The following DLC1 variants were observed in gnomAD, a reference collection of about 807,000 sequenced individuals.
DLC1 encodes the protein DLC1 Rho GTPase activating protein, also known as rho GTPase-activating protein 7.
A neutral mutation model predicts 140.3 loss-of-function variants in DLC1; 54 were observed. That is an observed-to-expected ratio of 0.38 (90% CI 0.31 to 0.48). DLC1 has a LOEUF of 0.48. DLC1 is among the 20% of genes least tolerant of loss of function. The pLI, the probability that DLC1 is intolerant of heterozygous loss-of-function variation, is 0.96. For synonymous variants in DLC1, 986 were observed against 728.1 expected (o/e 1.35, Z -5.70); for missense variants, 2,536 against 1,907.0 (o/e 1.33, Z -6.14).
intron 2 of DLC1, among the ~76,000 whole-genome samples, chr8:13,489,373 G>A (rs959922246): frequency 8.7e-6 from 1 of 115,436 alleles, no homozygotes; most frequent in African/African-American, 3.6e-5. Context: ...GAAACTCTCA[G>A]ATCTATAATT....
intron 1 of DLC1, among the ~76,000 whole-genome samples, chr8:13,513,798 CACAA>C (rs1272065938): frequency 6.6e-6 from 1 of 152,086 alleles, no homozygotes; most frequent in Non-Finnish European, 1.5e-5. Flanking sequence ...TAAGTAAGGA[CACAA>C]ACAGTTTCCA....
intron 5 of DLC1, among the ~76,000 whole-genome samples, chr8:13,223,289 C>G (rs549282950): frequency 1.3e-5 from 2 of 152,252 alleles, no homozygotes; most frequent in South Asian, 4.1e-4. Flanking sequence ...AACCCCGCCC[C>G]CAGCAACATT....
chr8:13,301,562 G>T (rs974349039), intron 5 of DLC1, among the ~76,000 whole-genome samples: 2 of 152,226 alleles, frequency 1.3e-5, no homozygotes, highest in Non-Finnish European at 1.5e-5. Flanking sequence ...AAATGAGGGA[G>T]ATGAGGAAGT....
chr8:13,137,676 C>T (rs1822676581), intron 5 of DLC1, among the ~76,000 whole-genome samples: 1 of 151,042 alleles, frequency 6.6e-6, no homozygotes, highest in Non-Finnish European at 1.5e-5. Context: ...TTCTCAGCTC[C>T]CTACAACCTC....
At chr8:13,110,601 A>C in intron 7 of DLC1, 141 bp downstream of exon 7, 1 of 733,626 alleles carries the variant, frequency 1.4e-6, no homozygotes. Context: ...TTTTAATTAA[A>C]AGGTCTATGA....
intron 1 of DLC1, among the ~76,000 whole-genome samples, chr8:13,560,524 A>C (rs2117379925): frequency 6.6e-6 from 1 of 152,294 alleles, no homozygotes. Context: ...AATCACCAGC[A>C]GTTTTCATAC....
chr8:13,579,318 TATATATATATATATATATATA>T lies in DLC1; in HGVS notation c.-126+25198_-126+25218del, dbSNP rs1804964814. 5.5e-4 allele frequency among the ~76,000 whole-genome samples: 3 copies of T among 5,470 alleles called. 1 individual carries two copies. Among genetic ancestry groups the T allele is most frequent in the East Asian group, 0.017 (1 of 60 alleles). The allele number at this position is 5,470 out of a possible 152,430, so 3.6% of individuals were successfully genotyped here. ...GTCAGATACCACAGGTCTGACTTTA[TATATATATATATATATATATA>T]TATATATATATATATATATATATTT... On this transcript the variant is annotated intron_variant, in intron 1 of 1. Coordinates refer to the DLC1 transcript ENST00000631382.
At chr8:13,545,480 G>C (rs1440358034) in intron 1 of DLC1, among the ~76,000 whole-genome samples, 1 of 152,018 alleles carries the variant, frequency 6.6e-6, no homozygotes, top group Non-Finnish European at 1.5e-5. Context: ...CCCCAGAGTA[G>C]CTTTTTCCAT....
chr8:13,450,876 TAAAAATAC>T (rs1196838623), intron 2 of DLC1, among the ~76,000 whole-genome samples: 1 of 151,032 alleles, frequency 6.6e-6, no homozygotes, highest in East Asian at 1.9e-4. Flanking sequence ...CCGTTTCTAC[TAAAAATAC>T]AAAAATTAGC....
At chr8:13,542,432 A>G (rs922580588) in intron 1 of DLC1, among the ~76,000 whole-genome samples, 5 of 152,134 alleles carry the variant, frequency 3.3e-5, no homozygotes, top group African/African-American at 9.7e-5. Context: ...ATATACCCAC[A>G]ATGTCTTGAC....
intron 5 of DLC1, among the ~76,000 whole-genome samples, chr8:13,183,802 C>A (rs1310040136): frequency 6.6e-6 from 1 of 152,184 alleles, no homozygotes; most frequent in Non-Finnish European, 1.5e-5. Flanking sequence ...CTCTGCCAGG[C>A]TTTGCTATCA....
chr8:13,383,234 CTGT>C (rs968213659), intron 4 of DLC1, among the ~76,000 whole-genome samples: 12 of 152,148 alleles, frequency 7.9e-5, no homozygotes, highest in African/African-American at 2.9e-4. Flanking sequence ...AATATGTGCC[CTGT>C]TGTTTTTCAG....
chr8:13,389,232 G>T (rs879703761), intron 4 of DLC1, among the ~76,000 whole-genome samples: 7 of 151,950 alleles, frequency 4.6e-5, no homozygotes, highest in Non-Finnish European at 1.0e-4. Flanking sequence ...ATTATCTTTA[G>T]GAAAAACAAC....
chr8:13,205,701 T>G (rs1381833225), intron 5 of DLC1, among the ~76,000 whole-genome samples: 2 of 152,222 alleles, frequency 1.3e-5, no homozygotes, highest in East Asian at 3.8e-4. Flanking sequence ...TTGGGATGCA[T>G]GTAGTCCACA....
intron 2 of DLC1, among the ~76,000 whole-genome samples, chr8:13,497,538 A>C (rs1028916957): frequency 1.3e-5 from 2 of 152,224 alleles, no homozygotes; most frequent in African/African-American, 2.4e-5. Context: ...CAACCATGCT[A>C]TAGTGACATG....
intron 1 of DLC1, among the ~76,000 whole-genome samples, chr8:13,574,034 A>G (rs73212141): frequency 1.8e-3 from 279 of 152,242 alleles, no homozygotes; most frequent in Middle Eastern, 0.014. Flanking sequence ...GCTTCCAAAC[A>G]ATGAAACTGA....
intron 1 of DLC1, among the ~76,000 whole-genome samples, chr8:13,545,718 C>G (rs1022931029): frequency 6.6e-6 from 1 of 151,858 alleles, no homozygotes; most frequent in Non-Finnish European, 1.5e-5. Flanking sequence ...CCTGGCTGAA[C>G]CATTTGTGCT....
At chr8:13,182,611 G>C (rs1339846631) in intron 5 of DLC1, among the ~76,000 whole-genome samples, 1 of 152,110 alleles carries the variant, frequency 6.6e-6, no homozygotes, top group African/African-American at 2.4e-5. Flanking sequence ...TGTCAGGTTT[G>C]TCAAAGATCA....
At chr8:13,472,088 TTTCTGCTA>T (rs1041803909) in intron 2 of DLC1, among the ~76,000 whole-genome samples, 2 of 152,214 alleles carry the variant, frequency 1.3e-5, no homozygotes, top group African/African-American at 4.8e-5. Context: ...GGTAAATAAA[TTTCTGCTA>T]CATGAGGCAG....
Sources: allele counts gnomAD v4.1 joint callset (sites outside exome capture counted in the v4.1 genomes callset), GRCh38; gene constraint gnomAD v4.1.1; transcripts MANE v1.5; gene names NCBI Gene and HGNC (gene_info 2026-07-23, HGNC 2026-07-21).